SGCD: variants seen among roughly 807,000 people sequenced by gnomAD.
SGCD encodes the protein delta-sarcoglycan.
In SGCD, 18 loss-of-function variants were observed where a neutral mutation model predicts 36.6. The observed-to-expected ratio is 0.49, with a 90% CI of 0.34 to 0.73. The LOEUF is 0.73. Ranked by LOEUF, SGCD falls within the 30% of genes least tolerant of loss-of-function variation. SGCD has a pLI of 0.01. For missense variants in SGCD, 387 were observed against 346.7 expected (o/e 1.12, Z -0.92); for synonymous variants, 133 against 130.6 (o/e 1.02, Z -0.12).
In SGCD at chr5:156,379,190, G is replaced by T. The variant is rs75464312; in HGVS notation, c.192+34513G>T. Among the ~76,000 whole-genome samples, 119 of 152,256 alleles carry T rather than the reference G, an allele frequency of 7.8e-4. No homozygotes were observed. In the East Asian group the frequency reaches 0.019, roughly 25 times the overall value. ...TAATGTGGAATCTGACATTAAACAA[G>T]ATAAAAAGGAAAATACCTATATTTC... is the stretch of plus-strand genomic sequence containing the variant. On this transcript the variant is annotated intron_variant, in intron 3 of 8. Coordinates refer to ENST00000337851, the MANE Select transcript of SGCD (RefSeq NM_000337.6).
chr5:156,700,255 T>C (rs1209356382), intron 7 of SGCD, among the ~76,000 whole-genome samples: 1 of 152,202 alleles, frequency 6.6e-6, no homozygotes, highest in Admixed American at 6.5e-5. Flanking sequence ...CTCCAACATG[T>C]CTTCGGTCTG....
At chr5:156,748,909 C>T (rs959313857) in intron 7 of SGCD, among the ~76,000 whole-genome samples, 6 of 152,030 alleles carry the variant, frequency 3.9e-5, no homozygotes, top group Non-Finnish European at 8.8e-5. Flanking sequence ...GGATTACAGG[C>T]GTGTACCACC....
intron 2 of SGCD, among the ~76,000 whole-genome samples, chr5:156,342,905 C>T (rs372211576): frequency 1.3e-5 from 2 of 152,194 alleles, no homozygotes; most frequent in East Asian, 1.9e-4. Context: ...CACACATATT[C>T]CAACATATAC....
chr5:155,755,083 G>A, the SGCD span, among the ~76,000 whole-genome samples: 1 of 152,182 alleles, frequency 6.6e-6, no homozygotes, highest in Non-Finnish European at 1.5e-5. Flanking sequence ...GACTGCCAGA[G>A]TGCAAGAGGC....
the SGCD span, among the ~76,000 whole-genome samples, chr5:155,750,943 T>C: frequency 0.063 from 9,589 of 152,218 alleles, 989 homozygotes; most frequent in African/African-American, 0.22. Flanking sequence ...AAAAGAAAGA[T>C]GGTGGTCTTA....
chr5:155,950,342 A>T (rs1757524846), intron 1 of SGCD, among the ~76,000 whole-genome samples: 1 of 152,136 alleles, frequency 6.6e-6, no homozygotes. Flanking sequence ...TTGCCTTCAC[A>T]AAAAGACTGA....
chr5:156,116,545 G>A (rs555319466), intron 1 of SGCD, among the ~76,000 whole-genome samples: 8 of 152,124 alleles, frequency 5.3e-5, no homozygotes, highest in African/African-American at 1.4e-4. Flanking sequence ...AGCAATGTAC[G>A]GAGATAAAGA....
At chr5:155,803,240 C>T in the SGCD span, among the ~76,000 whole-genome samples, 4 of 152,092 alleles carry the variant, frequency 2.6e-5, no homozygotes, top group African/African-American at 7.2e-5. Flanking sequence ...ATTACATGGG[C>T]AATGGAAAAG....
intron 3 of SGCD, among the ~76,000 whole-genome samples, chr5:156,365,767 A>T (rs1770064370): frequency 6.9e-6 from 1 of 144,762 alleles, no homozygotes; most frequent in Non-Finnish European, 1.5e-5. Flanking sequence ...ATTTACATGT[A>T]TGTCTATATT....
the SGCD span, among the ~76,000 whole-genome samples, chr5:155,762,325 G>A: frequency 6.6e-6 from 1 of 152,088 alleles, no homozygotes; most frequent in African/African-American, 2.4e-5. Context: ...TGAAATTATG[G>A]TTAATGCATC....
the SGCD span, among the ~76,000 whole-genome samples, chr5:155,728,317 C>T: frequency 6.6e-6 from 1 of 151,754 alleles, no homozygotes; most frequent in Non-Finnish European, 1.5e-5. Flanking sequence ...AACCCAAGCC[C>T]CAGCTGGAGC....
At chr5:156,275,058 T>C (rs1395749140) in intron 3 of SGCD, among the ~76,000 whole-genome samples, 2 of 152,126 alleles carry the variant, frequency 1.3e-5, no homozygotes, top group African/African-American at 4.8e-5. Context: ...TTGTTAAAGG[T>C]TGACAACTAA....
In SGCD at chr5:156,424,797, C is replaced by G. The variant is rs76626199; in HGVS notation, c.192+80120C>G. On this transcript the variant is annotated intron_variant, in intron 3 of 8. Coordinates refer to ENST00000337851, the MANE Select transcript of SGCD (RefSeq NM_000337.6). The stretch of plus-strand genomic sequence containing the variant: ...GAAAAAGGTGCATGGGGCACCTTTT[C>G]GAGAAGAAATCAGATGAAATTATTC... 6.1e-4 allele frequency among the ~76,000 whole-genome samples: 92 copies of G among 152,038 alleles called. 1 individual carries two copies. In the East Asian group the frequency reaches 0.016, roughly 27 times the overall value.
chr5:156,701,233 C>T (rs1337841874), intron 7 of SGCD, among the ~76,000 whole-genome samples: 1 of 152,188 alleles, frequency 6.6e-6, no homozygotes, highest in African/African-American at 2.4e-5. Context: ...TTGCTACTGT[C>T]TTTGCTGTCT....
At chr5:156,565,147 C>T (rs868055091) in intron 4 of SGCD, among the ~76,000 whole-genome samples, 3 of 152,254 alleles carry the variant, frequency 2.0e-5, no homozygotes, top group Non-Finnish European at 1.5e-5. Flanking sequence ...GAGCATTTCT[C>T]CCTGTACATT....
chr5:156,422,186 A>G (rs1347255060), intron 3 of SGCD, among the ~76,000 whole-genome samples: 2 of 152,060 alleles, frequency 1.3e-5, no homozygotes, highest in Non-Finnish European at 2.9e-5. Context: ...TGCTGTGAGC[A>G]GGAGCTTAAT....
chr5:156,364,245 T>A (rs1409127049), intron 3 of SGCD, among the ~76,000 whole-genome samples: 2 of 152,268 alleles, frequency 1.3e-5, no homozygotes, highest in South Asian at 4.1e-4. Context: ...ATATATGAAT[T>A]TGGAATCTGT....
intron 6 of SGCD, among the ~76,000 whole-genome samples, chr5:156,601,127 T>C (rs775288041): frequency 1.4e-4 from 22 of 152,154 alleles, no homozygotes; most frequent in Non-Finnish European, 1.9e-4. Flanking sequence ...TCCTTGGCTG[T>C]GAAAAAGCTT....
At chr5:156,444,063 CT>C (rs1468177835) in intron 3 of SGCD, among the ~76,000 whole-genome samples, 35 of 42,138 alleles carry the variant, frequency 8.3e-4, no homozygotes, top group African/African-American at 2.3e-3. Context: ...TCTTTCTCTC[CT>C]TCTCTCTCTC....
Sources: gnomAD v4.1 joint callset for allele counts (sites outside exome capture counted in the v4.1 genomes callset) on GRCh38, gnomAD v4.1.1 for gene constraint, MANE v1.5 for transcripts, NCBI Gene and HGNC (gene_info 2026-07-23, HGNC 2026-07-21) for gene names.